CKAP5: variants seen among roughly 807,000 people sequenced by gnomAD.
CKAP5 encodes cytoskeleton-associated protein 5.
Under a neutral mutation model 232.8 loss-of-function variants are expected in CKAP5, and 27 were observed. The ratio of observed to expected loss-of-function variants is 0.12; its 90% confidence interval spans 0.09 to 0.16. The LOEUF is 0.16. CKAP5 is among the 10% of genes least tolerant of loss of function. The pLI is 1.00. For synonymous variants in CKAP5, 785 were observed against 841.1 expected (o/e 0.93, Z 1.16); for missense variants, 1,838 against 2,424.7 (o/e 0.76, Z 5.08).
rs151332119 is a variant in CKAP5 at position 46,759,259 on chromosome 11, T to G, written c.4568+10A>C. The stretch of plus-strand genomic sequence containing the variant: ...AACTGCTCATATTTAAATGAAAGAG[T>G]TTAACTCACTTGGGTTCAGGAATAA... On this transcript the variant is annotated intron_variant, in intron 34 of 43. Transcript: ENST00000529230. 461 of 1,608,614 alleles carry G rather than the reference T, an allele frequency of 2.9e-4. 1 individual carries two copies. The African/African-American group carries it at 3.8e-3, about 13-fold the overall frequency.
At chr11:46,815,153 C>A (rs1474652733) in intron 4 of CKAP5, among the ~76,000 whole-genome samples, 1 of 152,160 alleles carries the variant, frequency 6.6e-6, no homozygotes, top group Middle Eastern at 3.4e-3. Context: ...CAGGTTCAAG[C>A]AATTCTCCTG....
chr11:46,805,416 T>C (rs1204637181), intron 8 of CKAP5, among the ~76,000 whole-genome samples: 4 of 152,070 alleles, frequency 2.6e-5, no homozygotes, highest in East Asian at 1.9e-4. Flanking sequence ...AGGAAAAAAA[T>C]TGAGAAATTA....
At chr11:46,783,610 T>G (rs1201098081) in intron 17 of CKAP5, among the ~76,000 whole-genome samples, 1 of 152,052 alleles carries the variant, frequency 6.6e-6, no homozygotes, top group Admixed American at 6.6e-5. Context: ...TTTTTTTTTT[T>G]TTTAGAGACA....
At position 46,777,498 on chromosome 11, in the gene CKAP5, T is replaced by C; in HGVS notation, c.2803A>G (p.Ile935Val). 6.2e-7 allele frequency: 1 copy of C among 1,614,022 alleles called. No individual in the cohort carries two copies. Among genetic ancestry groups the C allele is most frequent in the Non-Finnish European group, 8.5e-7 (1 of 1,179,900 alleles). ...CCTAAATTTTTTACATGTTGCTTAA[T>C]ATTTGGGCCCATGGCTACTGCCAGT... ...QQLAVAMGPN[I>V]KQHVKNLGIP... Residue 935 changes from isoleucine to valine, a missense_variant, in exon 23 of 44, where the codon ATT (isoleucine) becomes GTT (valine). Coordinates refer to ENST00000529230, the MANE Select transcript of CKAP5 (RefSeq NM_001008938.4).
intron 1 of CKAP5, among the ~76,000 whole-genome samples, chr11:46,838,617 CAAAAAAAAAA>C (rs56117525): frequency 4.7e-4 from 21 of 45,052 alleles, no homozygotes; most frequent in Admixed American, 1.0e-3. Flanking sequence ...CTTGCCTCTT[CAAAAAAAAAA>C]AAAAAAAAAA....
chr11:46,801,323 A>G lies in CKAP5; in HGVS notation c.979-19T>C. The stretch of plus-strand genomic sequence containing the variant: ...CAACAACCTACAAAGGGGGGTAAAA[A>G]GGAAAACAAAATAGTCACAGCCATG... On this transcript the variant is annotated intron_variant, in intron 8 of 43. Transcript: ENST00000529230. 6.4e-7 allele frequency: 1 copy of G among 1,573,436 alleles called. No individual in the cohort carries two copies. Among genetic ancestry groups the G allele is most frequent in the Non-Finnish European group, 8.7e-7 (1 of 1,143,460 alleles).
Position 46,769,990 on chromosome 11 carries a change from C to G in CKAP5, c.3295G>C (p.Ala1099Pro). The change falls in exon 26 of 44, where the codon GCT becomes CCT. Residue 1099 changes from alanine to proline, a missense_variant. Coordinates refer to ENST00000529230, the MANE Select transcript of CKAP5 (RefSeq NM_001008938.4). ...GATGCAGGCTGGAATTTGGCTGGAG[C>G]GGACCCTCCCATTGGTTTAGAAGTT... is the stretch of plus-strand genomic sequence containing the variant. ...KATSKPMGGS[A>P]PAKFQPASAP... 1 of 1,614,086 alleles carries G rather than the reference C, an allele frequency of 6.2e-7. No individual in the cohort carries two copies. Among genetic ancestry groups the G allele is most frequent in the Non-Finnish European group, 8.5e-7 (1 of 1,180,004 alleles).
intron 16 of CKAP5, among the ~76,000 whole-genome samples, chr11:46,788,080 C>A (rs1389429220): frequency 6.6e-6 from 1 of 152,098 alleles, no homozygotes; most frequent in African/African-American, 2.4e-5. Context: ...ATACATGTAC[C>A]ATTCAAAATA....
Position 46,776,257 on chromosome 11 carries a change from C to T in CKAP5, c.2989G>A (p.Glu997Lys). Reference sequence around the variant, plus strand: ...CATGATTAATTTATGATACTAACCTCTTGCCTCAAGAAAGGATTTTCCTTT... The same window carrying T: ...CATGATTAATTTATGATACTAACCTTTTGCCTCAAGAAAGGATTTTCCTTT... ...LKKENPFLRQ[E>K]LLGWLAEKLP... Residue 997 changes from glutamate to lysine, a missense_variant and splice_region_variant, in exon 24 of 44, where the codon GAG becomes AAG. Transcript: ENST00000529230. The T allele has an allele frequency of 6.2e-7, 1 of 1,613,654 alleles. No individual in the cohort carries two copies. Among genetic ancestry groups the T allele is most frequent in the Non-Finnish European group, 8.5e-7 (1 of 1,179,708 alleles).
rs1298697684 is a variant in CKAP5 at position 46,776,249 on chromosome 11, A to G, written c.2991+6T>C. The stretch of plus-strand genomic sequence containing the variant: ...GTAATGCACATGATTAATTTATGAT[A>G]CTAACCTCTTGCCTCAAGAAAGGAT... On this transcript the variant is annotated splice_donor_region_variant and intron_variant, in intron 24 of 43. Coordinates refer to ENST00000529230, the MANE Select transcript of CKAP5 (RefSeq NM_001008938.4). 1 of 1,613,362 alleles carries G rather than the reference A, an allele frequency of 6.2e-7. No individual in the cohort carries two copies. The highest frequency in any genetic ancestry group is 2.2e-5 in the East Asian group (1 of 44,854).
intron 18 of CKAP5, among the ~76,000 whole-genome samples, chr11:46,782,469 G>A (rs529101911): frequency 3.9e-5 from 6 of 152,042 alleles, no homozygotes; most frequent in East Asian, 1.9e-4. Context: ...ATAACAAACC[G>A]TTCTTTGTTA....
At chr11:46,777,370 T>C in intron 23 of CKAP5, 69 bp downstream of exon 23, 1 of 937,958 alleles carries the variant, frequency 1.1e-6, no homozygotes, top group East Asian at 2.4e-5. Context: ...AAAAAGAGAA[T>C]TATCTTTAAC....
At chr11:46,754,707 G>A (rs1250232886) in intron 36 of CKAP5, among the ~76,000 whole-genome samples, 181 bp downstream of exon 36, 1 of 152,208 alleles carries the variant, frequency 6.6e-6, no homozygotes, top group Non-Finnish European at 1.5e-5. Context: ...CTAACAGTAA[G>A]GTGGGATGGA....
At chr11:46,813,289 T>C (rs1249415234) in intron 4 of CKAP5, among the ~76,000 whole-genome samples, 1 of 152,122 alleles carries the variant, frequency 6.6e-6, no homozygotes, top group Non-Finnish European at 1.5e-5. Context: ...TAAACCATTT[T>C]GTTTTAGGGA....
At position 46,751,373 on chromosome 11, in the gene CKAP5, G is replaced by A; in HGVS notation, c.5295C>T (p.His1765=). Residue 1765 remains histidine (H), a synonymous_variant, in exon 39 of 44, where the codon CAC becomes CAT. Transcript: ENST00000529230. ...TGGGCCCTTTTAATTTGCATAAGGTGTGTAGCAGGGTCTTTAGGGTCCTTA... is the reference window on the plus strand; with the variant it reads ...TGGGCCCTTTTAATTTGCATAAGGTATGTAGCAGGGTCTTTAGGGTCCTTA... ...FPIRTLKTLL[H]TLCKLKGPKI... is the part of the protein sequence containing the mutation. 1 of 1,614,102 alleles carries A rather than the reference G, an allele frequency of 6.2e-7. No individual in the cohort carries two copies. The highest frequency in any genetic ancestry group is 8.5e-7 in the Non-Finnish European group (1 of 1,179,986).
chr11:46,749,779 G>A (rs2065049096), intron 42 of CKAP5, among the ~76,000 whole-genome samples: 1 of 151,676 alleles, frequency 6.6e-6, no homozygotes, highest in Non-Finnish European at 1.5e-5. Context: ...GAGAAACCCC[G>A]TCTTTACTAA....
chr11:46,792,942 T>TA (rs1938775915), intron 13 of CKAP5, among the ~76,000 whole-genome samples: 1 of 152,116 alleles, frequency 6.6e-6, no homozygotes, highest in Non-Finnish European at 1.5e-5. Context: ...TGAAAGAAAG[T>TA]AGAGTCTGTA....
At chr11:46,750,677 G>T in intron 40 of CKAP5, 66 bp from the exon 41 acceptor site, 1 of 1,237,256 alleles carries the variant, frequency 8.1e-7, no homozygotes, top group Non-Finnish European at 1.2e-6. Context: ...ACTGATGGTT[G>T]GATATGAACA....
At position 46,795,633 on chromosome 11, in the gene CKAP5, T is replaced by A. The variant is rs1422572211; in HGVS notation, c.1611A>T (p.Ala537=). 6.2e-7 allele frequency: 1 copy of A among 1,614,098 alleles called. No individual in the cohort carries two copies. The highest frequency in any genetic ancestry group is 1.3e-5 in the African/African-American group (1 of 75,044). The change falls in exon 13 of 44, where the codon GCA becomes GCT. Residue 537 remains alanine (A), a synonymous_variant. Coordinates refer to ENST00000529230, the MANE Select transcript of CKAP5 (RefSeq NM_001008938.4). The stretch of plus-strand genomic sequence containing the variant: ...CCTTTTTTAGAGGTCCTGGTTTGGG[T>A]GCAGAAATGTCCTTTGTGTCCTTAT... ...AGDKDTKDIS[A]PKPGPLKKAP...
Sources: allele counts gnomAD v4.1 joint callset (sites outside exome capture counted in the v4.1 genomes callset), GRCh38; gene constraint gnomAD v4.1.1; transcripts MANE v1.5; gene names NCBI Gene and HGNC (gene_info 2026-07-23, HGNC 2026-07-21).